The following ZFHX3 variants were observed in gnomAD, a reference collection of about 807,000 sequenced individuals.
ZFHX3 encodes the protein zinc finger homeobox protein 3.
ZFHX3 carries 42 observed loss-of-function variants against 279.1 expected under a neutral mutation model. The ratio of observed to expected loss-of-function variants is 0.15; its 90% CI spans 0.12 to 0.19. The LOEUF (loss-of-function observed/expected upper bound fraction) is 0.19, where lower values mean the gene tolerates loss of function less well. ZFHX3 is among the 10% of genes least tolerant of loss of function. The pLI is 1.00. For synonymous variants in ZFHX3, 2,293 were observed against 1,957.8 expected, an observed-to-expected ratio of 1.17 and a Z score of -4.52; for missense variants, 4,981 against 4,754.0, an observed-to-expected ratio of 1.05 and a Z score of -1.40.
At chr16:73,511,579 C>A (rs825830) in intron 2 of ZFHX3, among the ~76,000 whole-genome samples, 1 of 151,964 alleles carries the variant, frequency 6.6e-6, no homozygotes, top group African/African-American at 2.4e-5. Context: ...TTTTTGAAAA[C>A]CTTGAAAAAA....
At chr16:73,252,519 G>A (rs141927209) in intron 5 of ZFHX3, among the ~76,000 whole-genome samples, 3 of 152,228 alleles carry the variant, frequency 2.0e-5, no homozygotes, top group South Asian at 2.1e-4. Context: ...ATATGGGGGC[G>A]GAAGTGCAGG....
intron 1 of ZFHX3, among the ~76,000 whole-genome samples, chr16:73,804,175 A>AAAAACC (rs1960211270): frequency 6.6e-6 from 1 of 152,190 alleles, no homozygotes; most frequent in Admixed American, 6.5e-5. Context: ...AAACAAAAAC[A>AAAAACC]AAACTAGAAA....
chr16:72,809,515 C>A (rs1054970423), intron 7 of ZFHX3: 1 of 151,272 alleles, frequency 6.6e-6, no homozygotes, highest in Admixed American at 6.8e-5. Context: ...TTTGAAAATA[C>A]CCACAGAAAG....
At position 73,725,552 on chromosome 16, in the gene ZFHX3, T is replaced by A. The variant is rs1045219498; in HGVS notation, c.-1607-45312A>T. On this transcript the variant is annotated intron_variant, in intron 1 of 17. Coordinates refer to the ZFHX3 transcript ENST00000641206. ...GTGAGTGTGAGTGAGTGTGTGTGTGTGTGTGTGTGTGTGTGTAGGCTGAGG... is the reference window on the plus strand; with the variant it reads ...GTGAGTGTGAGTGAGTGTGTGTGTGAGTGTGTGTGTGTGTGTAGGCTGAGG... Among the ~76,000 whole-genome samples, 7 of 152,054 alleles carry A rather than the reference T, an allele frequency of 4.6e-5. No individual in the cohort carries two copies. In the South Asian group the frequency reaches 1.5e-3, roughly 32 times the overall value.
At chr16:73,558,566 C>T (rs2143784355) in intron 2 of ZFHX3, 1 of 152,300 alleles carries the variant, frequency 6.6e-6, no homozygotes, top group East Asian at 1.9e-4. Context: ...CAGAAAGCTG[C>T]AGTGCTGTTA....
At chr16:73,641,134 CA>C (rs754641864) in intron 2 of ZFHX3, among the ~76,000 whole-genome samples, 14 of 152,160 alleles carry the variant, frequency 9.2e-5, no homozygotes, top group African/African-American at 2.2e-4. Context: ...TATTTTTAGA[CA>C]GTTAAGTTCT....
intron 1 of ZFHX3, among the ~76,000 whole-genome samples, chr16:72,999,235 C>T (rs756309008): frequency 1.3e-5 from 2 of 152,190 alleles, no homozygotes; most frequent in Non-Finnish European, 2.9e-5. Context: ...CTGCAACCTC[C>T]GCCTCTCAGG....
chr16:73,220,856 G>C (rs2012391359), intron 5 of ZFHX3, among the ~76,000 whole-genome samples: 1 of 152,118 alleles, frequency 6.6e-6, no homozygotes, highest in Admixed American at 6.6e-5. Flanking sequence ...TGCTCTATAG[G>C]ATAGTGAAGT....
rs375026178 is a variant in ZFHX3 at position 73,568,619 on chromosome 16, G to A, written c.-1547+111561C>T. ...TTGGACAAGAAAGGGGAAGGAAAGAGAAAAGGGAGAAAAGCCCTCTTCCCA... is the reference window on the plus strand; with the variant it reads ...TTGGACAAGAAAGGGGAAGGAAAGAAAAAAGGGAGAAAAGCCCTCTTCCCA... On this transcript the variant is annotated intron_variant, in intron 2 of 17. Transcript: ENST00000641206. 2.0e-5 allele frequency among the ~76,000 whole-genome samples: 3 copies of A among 152,278 alleles called. No individual in the cohort carries two copies. In the East Asian group the frequency reaches 5.8e-4, roughly 29 times the overall value.
intron 4 of ZFHX3, among the ~76,000 whole-genome samples, chr16:72,888,236 T>G (rs1431759297): frequency 6.6e-6 from 1 of 152,210 alleles, no homozygotes; most frequent in African/African-American, 2.4e-5. Flanking sequence ...ATATTAAGGT[T>G]AAAACTGCAC....
intron 3 of ZFHX3, among the ~76,000 whole-genome samples, chr16:72,937,730 T>C (rs757225748): frequency 6.6e-6 from 1 of 152,214 alleles, no homozygotes; most frequent in Non-Finnish European, 1.5e-5. Flanking sequence ...CTTCTACCAC[T>C]GCAGAGGGAA....
chr16:73,215,559 A>G (rs1202418811), intron 5 of ZFHX3, among the ~76,000 whole-genome samples: 1 of 152,092 alleles, frequency 6.6e-6, no homozygotes, highest in African/African-American at 2.4e-5. Context: ...ACTTGGTAGG[A>G]CCCTGCAGTT....
At chr16:73,216,983 C>G (rs2012234079) in intron 5 of ZFHX3, among the ~76,000 whole-genome samples, 1 of 152,128 alleles carries the variant, frequency 6.6e-6, no homozygotes, top group South Asian at 2.1e-4. Flanking sequence ...TAAGTTCTCC[C>G]TTAGGATTTC....
chr16:72,873,895 A>G (rs1466087783), intron 4 of ZFHX3, among the ~76,000 whole-genome samples: 1 of 152,202 alleles, frequency 6.6e-6, no homozygotes, highest in Non-Finnish European at 1.5e-5. Flanking sequence ...ATCGTAACAC[A>G]GTTTACTTAA....
intron 4 of ZFHX3, 111 bp downstream of exon 4, chr16:72,889,620 G>A (rs964567094): frequency 2.0e-5 from 20 of 1,024,594 alleles, no homozygotes; most frequent in Non-Finnish European, 2.7e-5. Flanking sequence ...TAAGGAACAT[G>A]AGGACCAGCT....
Position 72,957,651 on chromosome 16 carries a change from A to G in ZFHX3, c.2495T>C (p.Met832Thr), listed in dbSNP as rs1961317241. 1.2e-6 allele frequency: 2 copies of G among 1,613,932 alleles called. No individual in the cohort carries two copies. The highest frequency in any genetic ancestry group is 2.2e-5 in the South Asian group (2 of 91,082). Residue 832 changes from methionine to threonine, a missense_variant, in exon 2 of 10, where the codon ATG becomes ACG. Met to Thr is a moderately conservative substitution (Grantham distance 81, BLOSUM62 -1). Around this residue, in one of 7 missense-constraint regions of ZFHX3, gnomAD observed 1,751 missense variants for 1,770.0 expected, o/e 0.99. Transcript: ENST00000268489. Reference sequence around the variant, plus strand: ...GGTCATGTTCTGTTGCAGTAACATCATGTTATGCATGTGCTTCTCACTGGT... The same window carrying G: ...GGTCATGTTCTGTTGCAGTAACATCGTGTTATGCATGTGCTTCTCACTGGT... ...HMTSEKHMHN[M>T]MLLQQNMTQI...
At chr16:73,469,388 G>C (rs1446791602) in intron 2 of ZFHX3, among the ~76,000 whole-genome samples, 1 of 152,162 alleles carries the variant, frequency 6.6e-6, no homozygotes, top group Non-Finnish European at 1.5e-5. Context: ...GCGGTGGGGA[G>C]AGGGGAACAT....
chr16:72,947,333 T>C (rs187198563), intron 3 of ZFHX3, among the ~76,000 whole-genome samples: 1 of 152,266 alleles, frequency 6.6e-6, no homozygotes, highest in East Asian at 1.9e-4. Context: ...GAAGACAATA[T>C]CATCAGGTTT....
intron 4 of ZFHX3, among the ~76,000 whole-genome samples, chr16:73,290,519 G>A (rs2014741613): frequency 6.6e-6 from 1 of 152,160 alleles, no homozygotes; most frequent in South Asian, 2.1e-4. Flanking sequence ...CAAGCCTGAA[G>A]CCTAACTTGT....
Sources: allele counts gnomAD v4.1 joint callset (sites outside exome capture counted in the v4.1 genomes callset), GRCh38; gene constraint gnomAD v4.1.1; regional missense constraint gnomAD v4.1.1; transcripts MANE v1.5; gene names NCBI Gene and HGNC (gene_info 2026-07-23, HGNC 2026-07-21).